Variants in OLFM2 observed in about 807,000 individuals in gnomAD.
OLFM2 encodes the protein noelin-2.
In OLFM2, 20 loss-of-function variants were observed where a neutral mutation model predicts 43.9. The observed-to-expected ratio is 0.46, with a 90% CI of 0.32 to 0.66. OLFM2 has a LOEUF of 0.66. OLFM2 is among the 30% of genes least tolerant of loss of function. OLFM2 has a pLI of 0.04. For missense variants in OLFM2, 416 were observed against 643.6 expected (o/e 0.65, Z 3.83); for synonymous variants, 268 against 278.6 (o/e 0.96, Z 0.38).
intron 1 of OLFM2, among the ~76,000 whole-genome samples, chr19:9,914,190 C>T (rs1044053198): frequency 6.6e-5 from 10 of 152,244 alleles, no homozygotes; most frequent in African/African-American, 2.4e-4. Flanking sequence ...CCTCGGCCCA[C>T]CCCGGCCACC....
chr19:9,889,180 T>A (rs1325275739), intron 1 of OLFM2, among the ~76,000 whole-genome samples: 1 of 151,864 alleles, frequency 6.6e-6, no homozygotes, highest in Non-Finnish European at 1.5e-5. Context: ...GCTTGGGTCA[T>A]GGGTTAGGGA....
intron 1 of OLFM2, among the ~76,000 whole-genome samples, chr19:9,878,381 C>CTTTTTT (rs34231833): frequency 1.6e-4 from 9 of 57,670 alleles, no homozygotes; most frequent in East Asian, 4.6e-4. Flanking sequence ...TCATTTCTCT[C>CTTTTTT]TTTTTTTTTT....
At chr19:9,882,197 G>A (rs1172350682) in intron 1 of OLFM2, among the ~76,000 whole-genome samples, 5 of 150,142 alleles carry the variant, frequency 3.3e-5, no homozygotes, top group Admixed American at 2.0e-4. Context: ...CTGTGATAAC[G>A]CCACTGCACT....
chr19:9,904,277 G>T (rs570703783), intron 1 of OLFM2, among the ~76,000 whole-genome samples: 1 of 150,046 alleles, frequency 6.7e-6, no homozygotes, highest in Non-Finnish European at 1.5e-5. Context: ...TGCAACCTCC[G>T]CCTCCCAGGT....
chr19:9,863,009 G>T (rs1599467170), intron 1 of OLFM2, among the ~76,000 whole-genome samples: 2 of 150,532 alleles, frequency 1.3e-5, no homozygotes, highest in Non-Finnish European at 3.0e-5. Flanking sequence ...AAAAGGATGT[G>T]GGGGGACGTG....
chr19:9,876,190 G>A lies in OLFM2; in HGVS notation c.64-15396C>T, dbSNP rs763941085. ...CAATTTCTGGCCTGGATATAAATTTGCAGCCATCAGCGCCCGTGGTAGGGG... is the reference window on the plus strand; with the variant it reads ...CAATTTCTGGCCTGGATATAAATTTACAGCCATCAGCGCCCGTGGTAGGGG... On this transcript the variant is annotated intron_variant, in intron 1 of 5. Coordinates refer to ENST00000264833, the MANE Select transcript of OLFM2 (RefSeq NM_058164.4). 9.2e-5 allele frequency among the ~76,000 whole-genome samples: 14 copies of A among 152,302 alleles called. 1 individual carries two copies. The highest frequency in any genetic ancestry group is 1.5e-4 in the Non-Finnish European group (10 of 68,032).
At chr19:9,865,543 G>C (rs2046395663) in intron 1 of OLFM2, among the ~76,000 whole-genome samples, 1 of 140,746 alleles carries the variant, frequency 7.1e-6, no homozygotes, top group Non-Finnish European at 1.5e-5. Flanking sequence ...CCAGGCTGGA[G>C]TGCAATGGCG....
At chr19:9,899,571 G>A (rs2046713076) in intron 1 of OLFM2, among the ~76,000 whole-genome samples, 2 of 151,730 alleles carry the variant, frequency 1.3e-5, no homozygotes, top group African/African-American at 4.8e-5. Flanking sequence ...TTTCTTTTTT[G>A]AGACAGAGTC....
intron 1 of OLFM2, among the ~76,000 whole-genome samples, chr19:9,871,174 G>A (rs1240250327): frequency 1.3e-5 from 2 of 151,846 alleles, no homozygotes; most frequent in Admixed American, 6.6e-5. Context: ...AGGAGGCTGA[G>A]GCAAGAGAAT....
chr19:9,894,447 C>T (rs187753530), intron 1 of OLFM2, among the ~76,000 whole-genome samples: 423 of 148,508 alleles, frequency 2.8e-3, no homozygotes, highest in African/African-American at 0.01. Flanking sequence ...CAGTGGCTCA[C>T]GCCTGTAATC....
rs74178225 is a variant in OLFM2 at position 9,932,454 on chromosome 19, C to CA, written c.63+3849dup. ...CAGGCAACAGAGTGAGACTCAGTCT[C>CA]AAAAAAAAAAAAAAAAAGAAAGAAA... On this transcript the variant is annotated intron_variant, in intron 1 of 5. Coordinates refer to ENST00000264833, the MANE Select transcript of OLFM2 (RefSeq NM_058164.4). Among the ~76,000 whole-genome samples, 754 of 95,654 alleles carry CA rather than the reference C, an allele frequency of 7.9e-3. 8 individuals carry two copies. Among genetic ancestry groups the CA allele is most frequent in the Admixed American group, 0.026 (234 of 9,138 alleles). 62.8% of individuals were successfully genotyped at this position (95,654 alleles called of 152,430 possible).
intron 1 of OLFM2, among the ~76,000 whole-genome samples, chr19:9,924,625 A>T (rs2086441333): frequency 6.6e-6 from 1 of 151,916 alleles, no homozygotes; most frequent in Non-Finnish European, 1.5e-5. Flanking sequence ...TTCTTCCTCC[A>T]GCTCTGATAC....
At chr19:9,924,847 C>T (rs763782456) in intron 1 of OLFM2, among the ~76,000 whole-genome samples, 5 of 150,458 alleles carry the variant, frequency 3.3e-5, no homozygotes, top group Non-Finnish European at 5.9e-5. Context: ...TGCTATTGGC[C>T]GGGAGTTCAA....
chr19:9,909,377 C>G (rs1053802432), intron 1 of OLFM2, among the ~76,000 whole-genome samples: 1 of 152,114 alleles, frequency 6.6e-6, no homozygotes, highest in Non-Finnish European at 1.5e-5. Context: ...ATTTATGATC[C>G]CCAGGTGAGA....
At chr19:9,896,248 C>T (rs2046683749) in intron 1 of OLFM2, among the ~76,000 whole-genome samples, 1 of 150,988 alleles carries the variant, frequency 6.6e-6, no homozygotes, top group African/African-American at 2.4e-5. Flanking sequence ...CTACAGGCGC[C>T]CGCCACCACG....
chr19:9,918,793 T>G (rs1334631318), intron 1 of OLFM2, among the ~76,000 whole-genome samples: 1 of 152,180 alleles, frequency 6.6e-6, no homozygotes, highest in East Asian at 1.9e-4. Context: ...TGATTCTATT[T>G]ATACATAATG....
rs143259427 is a variant in OLFM2, at chr19:9,907,427, A to G, written c.63+28877T>C. Among the ~76,000 whole-genome samples, 1,006 of 152,116 alleles carry G rather than the reference A, an allele frequency of 6.6e-3. 10 individuals carry two copies. The highest frequency in any genetic ancestry group is 0.023 in the African/African-American group (967 of 41,488). On this transcript the variant is annotated intron_variant, in intron 1 of 5. Transcript: ENST00000264833. Reference sequence around the variant, plus strand: ...CAGTGGGCCAAGACGGTGCCACTGCACTCCAGCCTGGGTGAGAGCGAGATT... The same window carrying G: ...CAGTGGGCCAAGACGGTGCCACTGCGCTCCAGCCTGGGTGAGAGCGAGATT...
chr19:9,877,752 C>T (rs1288211673), intron 1 of OLFM2, among the ~76,000 whole-genome samples: 1 of 152,050 alleles, frequency 6.6e-6, no homozygotes, highest in Non-Finnish European at 1.5e-5. Flanking sequence ...TGCCTTCAGC[C>T]CTTTGGCCAT....
intron 1 of OLFM2, among the ~76,000 whole-genome samples, chr19:9,922,274 AC>A: frequency 7.8e-5 from 1 of 12,770 alleles, no homozygotes; most frequent in East Asian, 1.0e-3. Context: ...AAATCTAGAT[AC>A]ACACACACAC....
Sources: allele counts gnomAD v4.1 joint callset (sites outside exome capture counted in the v4.1 genomes callset), GRCh38; gene constraint gnomAD v4.1.1; transcripts MANE v1.5; gene names NCBI Gene and HGNC (gene_info 2026-07-23, HGNC 2026-07-21).